RIMS2: variants seen among roughly 807,000 people sequenced by gnomAD.
RIMS2 encodes regulating synaptic membrane exocytosis 2, also known as regulating synaptic membrane exocytosis protein 2.
In RIMS2, 59 loss-of-function variants were observed where a neutral mutation model predicts 174.4. That is an observed-to-expected ratio of 0.34 (90% CI 0.27 to 0.42). The LOEUF is 0.42. Ranked by LOEUF, RIMS2 falls within the 10% of genes least tolerant of loss-of-function variation. The pLI is 1.00. For missense variants in RIMS2, 1,620 were observed against 1,666.3 expected (o/e 0.97, Z 0.48); for synonymous variants, 606 against 572.5 (o/e 1.06, Z -0.84).
intron 19 of RIMS2, among the ~76,000 whole-genome samples, chr8:104,118,702 C>T (rs2098324637): frequency 6.6e-6 from 1 of 152,066 alleles, no homozygotes; most frequent in Non-Finnish European, 1.5e-5. Context: ...TTTTAGTCAC[C>T]TCAGGCTGCT....
At chr8:104,239,543 TTATG>T (rs1354740681) in intron 19 of RIMS2, among the ~76,000 whole-genome samples, 2 of 152,152 alleles carry the variant, frequency 1.3e-5, no homozygotes, top group African/African-American at 4.8e-5. Flanking sequence ...ACATATATGT[TTATG>T]TATGCATGTG....
chr8:103,825,064 G>A (rs929658315), intron 3 of RIMS2, among the ~76,000 whole-genome samples: 1 of 151,932 alleles, frequency 6.6e-6, no homozygotes, highest in African/African-American at 2.4e-5. Flanking sequence ...TGAATTAGGG[G>A]CTACATATTT....
intron 1 of RIMS2, among the ~76,000 whole-genome samples, chr8:103,579,274 GAC>G (rs781702059): frequency 2.7e-5 from 4 of 148,994 alleles, no homozygotes; most frequent in South Asian, 4.3e-4. Context: ...CACACACACA[GAC>G]ACACACACAC....
intron 19 of RIMS2, among the ~76,000 whole-genome samples, chr8:104,178,862 G>A (rs2098922541): frequency 6.6e-6 from 1 of 152,042 alleles, no homozygotes; most frequent in Non-Finnish European, 1.5e-5. Flanking sequence ...GGTAGCAACA[G>A]CAGTTAGAAA....
chr8:104,035,925 A>G (rs2096504559), intron 19 of RIMS2, among the ~76,000 whole-genome samples: 2 of 152,112 alleles, frequency 1.3e-5, no homozygotes, highest in Non-Finnish European at 2.9e-5. Flanking sequence ...TGGAATAACT[A>G]CTACTAGTAT....
intron 2 of RIMS2, among the ~76,000 whole-genome samples, chr8:103,730,789 C>T (rs954312090): frequency 9.2e-5 from 14 of 152,144 alleles, no homozygotes; most frequent in Admixed American, 7.2e-4. Flanking sequence ...AATCTCTCAG[C>T]TTTAGTTTGT....
intron 1 of RIMS2, among the ~76,000 whole-genome samples, chr8:103,683,538 A>T (rs2096904558): frequency 4.6e-5 from 7 of 152,178 alleles, no homozygotes; most frequent in Admixed American, 4.6e-4. Flanking sequence ...TTCAAACCAT[A>T]GCACTTCGTA....
chr8:103,884,312 C>T (rs1435728791), intron 3 of RIMS2, among the ~76,000 whole-genome samples: 1 of 151,862 alleles, frequency 6.6e-6, no homozygotes, highest in Non-Finnish European at 1.5e-5. Context: ...TCATTGTCTC[C>T]TGTTCATGTC....
At chr8:104,019,059 A>T (rs576931597) in intron 19 of RIMS2, among the ~76,000 whole-genome samples, 14 of 152,062 alleles carry the variant, frequency 9.2e-5, no homozygotes, top group Non-Finnish European at 1.6e-4. Context: ...TTAGCTGGGC[A>T]TGGTGGTGCG....
At position 104,097,754 on chromosome 8, in the gene RIMS2, T is replaced by C. The variant is rs531069889; in HGVS notation, c.3334+83139T>C. Among the ~76,000 whole-genome samples, 35 of 152,358 alleles carry C rather than the reference T, an allele frequency of 2.3e-4. 1 individual carries two copies. The highest frequency in any genetic ancestry group is 7.2e-4 in the Admixed American group (11 of 15,302). On this transcript the variant is annotated intron_variant, in intron 19 of 23. Transcript: ENST00000504942. ...TTTGGATTTTCAAATTAGGGAATGC[T>C]CAACCTATATATGATTGACATTTTA...
chr8:103,860,028 T>G (rs926251489), intron 3 of RIMS2, among the ~76,000 whole-genome samples: 1 of 152,126 alleles, frequency 6.6e-6, no homozygotes, highest in Non-Finnish European at 1.5e-5. Flanking sequence ...TCCAGTAATA[T>G]CTACCATAAT....
At chr8:104,235,153 C>T (rs1201809298) in intron 19 of RIMS2, among the ~76,000 whole-genome samples, 1 of 152,060 alleles carries the variant, frequency 6.6e-6, no homozygotes, top group East Asian at 1.9e-4. Context: ...AGTCTCAACA[C>T]TACCCATAAA....
chr8:104,022,444 A>T (rs1310962479), intron 19 of RIMS2, among the ~76,000 whole-genome samples: 1 of 151,978 alleles, frequency 6.6e-6, no homozygotes, highest in Non-Finnish European at 1.5e-5. Flanking sequence ...GCAGTGGCGC[A>T]CAGTCTCAGC....
At chr8:103,828,552 T>C (rs1479348284) in intron 3 of RIMS2, among the ~76,000 whole-genome samples, 1 of 152,226 alleles carries the variant, frequency 6.6e-6, no homozygotes, top group Non-Finnish European at 1.5e-5. Context: ...TAATTTCTTT[T>C]GCTGTGCAGT....
At chr8:103,719,992 A>G (rs1310432741) in intron 2 of RIMS2, among the ~76,000 whole-genome samples, 4 of 152,208 alleles carry the variant, frequency 2.6e-5, no homozygotes, top group African/African-American at 9.6e-5. Flanking sequence ...TTGAGACAAC[A>G]CTAGATAAAA....
Position 103,826,047 on chromosome 8 carries a change from T to C in RIMS2, c.699-59251T>C, listed in dbSNP as rs147742244. ...AACTACAAGAACTTTTTCATACTGTTGTTGGCTATTTGTGTATCCTCCTTT... is the reference window on the plus strand; with the variant it reads ...AACTACAAGAACTTTTTCATACTGTCGTTGGCTATTTGTGTATCCTCCTTT... On this transcript the variant is annotated intron_variant, in intron 3 of 23. Coordinates refer to ENST00000504942, the Ensembl canonical transcript of RIMS2. Among the ~76,000 whole-genome samples the C allele has an allele frequency of 8.5e-5, 13 of 152,314 alleles. No individual in the cohort carries two copies. The East Asian group carries it at 2.5e-3, about 29-fold the overall frequency.
rs1278697061 is a variant in RIMS2, at chr8:104,222,966, G to A, written c.3335-21950G>A. 2.6e-5 allele frequency among the ~76,000 whole-genome samples: 4 copies of A among 152,078 alleles called. No individual in the cohort carries two copies. In the South Asian group the frequency reaches 6.2e-4, roughly 24 times the overall value. The stretch of plus-strand genomic sequence containing the variant: ...TTAATTGTAGGTTTTCGTGGAACTT[G>A]GTAAAAATTGAGGAGCCTTTGTGTC... On this transcript the variant is annotated intron_variant, in intron 19 of 23. Transcript: ENST00000504942.
intron 16 of RIMS2, among the ~76,000 whole-genome samples, chr8:103,979,087 C>A (rs1266992404): frequency 1.3e-5 from 2 of 152,026 alleles, no homozygotes; most frequent in Non-Finnish European, 2.9e-5. Context: ...ATTCCTGGAA[C>A]TTATCTAAAA....
chr8:103,548,295 C>T (rs1398187531), intron 1 of RIMS2, among the ~76,000 whole-genome samples: 5 of 152,112 alleles, frequency 3.3e-5, no homozygotes, highest in Admixed American at 2.6e-4. Context: ...TCTGACAGCA[C>T]ATCAAAAAGC....
Sources: allele counts gnomAD v4.1 joint callset (sites outside exome capture counted in the v4.1 genomes callset), GRCh38; gene constraint gnomAD v4.1.1; transcripts MANE v1.5; gene names NCBI Gene and HGNC (gene_info 2026-07-23, HGNC 2026-07-21).